RPTOR: variants seen among roughly 807,000 people sequenced by gnomAD.
The protein encoded by RPTOR is regulatory associated protein of MTOR complex 1, also known as regulatory-associated protein of mTOR.
In RPTOR, 21 loss-of-function variants were observed where a neutral mutation model predicts 169.9. That is an observed-to-expected ratio of 0.12 (90% CI 0.09 to 0.18). The LOEUF is 0.18. Ranked by LOEUF, RPTOR falls within the 10% of genes least tolerant of loss-of-function variation. The pLI is 1.00. For synonymous variants in RPTOR, 732 were observed against 753.2 expected, an observed-to-expected ratio of 0.97 and a Z score of 0.46; for missense variants, 1,133 against 1,855.9, an observed-to-expected ratio of 0.61 and a Z score of 7.16.
chr17:80,618,758 C>T (rs575295171), intron 1 of RPTOR, among the ~76,000 whole-genome samples: 2 of 152,342 alleles, frequency 1.3e-5, no homozygotes, highest in African/African-American at 4.8e-5. Context: ...ATTCCCAATT[C>T]CCATTGAAAT....
chr17:80,829,740 C>A (rs2067483230), intron 9 of RPTOR, among the ~76,000 whole-genome samples: 1 of 152,226 alleles, frequency 6.6e-6, no homozygotes, highest in South Asian at 2.1e-4. Context: ...TCAGCCCCTC[C>A]TGTGCGTGTC....
At chr17:80,552,023 T>A (rs1475153951) in intron 1 of RPTOR, among the ~76,000 whole-genome samples, 1 of 152,212 alleles carries the variant, frequency 6.6e-6, no homozygotes, top group East Asian at 1.9e-4. Context: ...ACAGCACATG[T>A]TTCAGAGAGC....
At chr17:80,706,130 C>A (rs141635615) in intron 3 of RPTOR, among the ~76,000 whole-genome samples, 153 of 152,236 alleles carry the variant, frequency 1.0e-3, no homozygotes, top group African/African-American at 3.6e-3. Context: ...AAAACATAAT[C>A]CCCACCCAGA....
chr17:80,703,333 A>C (rs1168320618), intron 3 of RPTOR, among the ~76,000 whole-genome samples: 1 of 152,156 alleles, frequency 6.6e-6, no homozygotes, highest in Non-Finnish European at 1.5e-5. Context: ...TCTGACTCTG[A>C]AAAACATATC....
At chr17:80,744,409 G>A in intron 5 of RPTOR, among the ~76,000 whole-genome samples, 1 of 107,778 alleles carries the variant, frequency 9.3e-6, no homozygotes, top group Non-Finnish European at 1.9e-5. Context: ...CTGGCTACTA[G>A]CACAGCCCTG....
intron 7 of RPTOR, among the ~76,000 whole-genome samples, chr17:80,793,708 C>T (rs1174693180): frequency 1.3e-5 from 2 of 152,272 alleles, no homozygotes; most frequent in African/African-American, 2.4e-5. Context: ...CCTGCCAGCG[C>T]GTGTTGAGCC....
At chr17:80,722,455 G>A (rs1254561126) in intron 4 of RPTOR, among the ~76,000 whole-genome samples, 2 of 150,858 alleles carry the variant, frequency 1.3e-5, no homozygotes, top group African/African-American at 5.0e-5. Context: ...GTGGAAGGGA[G>A]GGGTCCCAAG....
intron 2 of RPTOR, among the ~76,000 whole-genome samples, chr17:80,629,148 G>T (rs79901149): frequency 6.7e-6 from 1 of 150,026 alleles, no homozygotes; most frequent in South Asian, 2.1e-4. Flanking sequence ...ACATTGTACC[G>T]CAGCTCTTCC....
At chr17:80,743,702 TACTAGCACTGTCCTGGC>T (rs1567887034) in intron 5 of RPTOR, among the ~76,000 whole-genome samples, 12,466 of 130,078 alleles carry the variant, frequency 0.096, 1,639 homozygotes, top group Non-Finnish European at 0.14. Context: ...CAGCCCTGGC[TACTAGCACTGTCCTGGC>T]TACGAGCACA....
intron 3 of RPTOR, among the ~76,000 whole-genome samples, chr17:80,669,171 C>T (rs557849567): frequency 2.0e-5 from 3 of 152,166 alleles, no homozygotes; most frequent in Non-Finnish European, 2.9e-5. Context: ...CTTTCTAGGG[C>T]GTGGGAATGT....
At chr17:80,575,506 G>A (rs996862304) in intron 1 of RPTOR, among the ~76,000 whole-genome samples, 7 of 152,218 alleles carry the variant, frequency 4.6e-5, no homozygotes, top group Non-Finnish European at 2.9e-5. Context: ...CATCCACACC[G>A]TTGCCATGTG....
At chr17:80,945,808 C>A in intron 26 of RPTOR, 27 bp downstream of exon 26, 1 of 1,402,940 alleles carries the variant, frequency 7.1e-7, no homozygotes, top group Non-Finnish European at 9.7e-7. Context: ...TCAGGCCTCC[C>A]TTCCGGCTGA....
intron 24 of RPTOR, among the ~76,000 whole-genome samples, chr17:80,935,043 T>C (rs1398146672): frequency 6.7e-6 from 1 of 148,830 alleles, no homozygotes; most frequent in Non-Finnish European, 1.5e-5. Flanking sequence ...AAAGGCATTA[T>C]ACAAAAATCA....
At chr17:80,904,014 T>A (rs1257895237) in intron 20 of RPTOR, among the ~76,000 whole-genome samples, 1 of 152,220 alleles carries the variant, frequency 6.6e-6, no homozygotes. Context: ...TAAAGGCCAT[T>A]ATGATGTTTG....
chr17:80,597,761 G>A (rs1022423517), intron 1 of RPTOR, among the ~76,000 whole-genome samples: 1 of 152,068 alleles, frequency 6.6e-6, no homozygotes, highest in Non-Finnish European at 1.5e-5. Flanking sequence ...CCATCTGCCT[G>A]CCTTGGCCTC....
Position 80,710,571 on chromosome 17 carries a change from A to ATGTGTGTGTGTG in RPTOR, c.507+2602_507+2613dup, listed in dbSNP as rs59732457. 1.9e-4 allele frequency among the ~76,000 whole-genome samples: 27 copies of ATGTGTGTGTGTG among 145,124 alleles called. No homozygotes were observed. The East Asian group carries it at 2.0e-3, about 11-fold the overall frequency. On this transcript the variant is annotated intron_variant, in intron 4 of 33. Transcript: ENST00000306801. The stretch of plus-strand genomic sequence containing the variant: ...TGATTTGCCTCCCTTGGTTATTTGT[A>ATGTGTGTGTGTG]TGTGTGTGTGTGTGTGTGTGTGTGT...
At chr17:80,798,982 G>A (rs570256818) in intron 7 of RPTOR, among the ~76,000 whole-genome samples, 1 of 152,234 alleles carries the variant, frequency 6.6e-6, no homozygotes, top group East Asian at 1.9e-4. Context: ...AACGTACACA[G>A]TCATCCATCA....
chr17:80,801,142 G>GT (rs1350259217), intron 7 of RPTOR, among the ~76,000 whole-genome samples: 8 of 152,208 alleles, frequency 5.3e-5, no homozygotes, highest in South Asian at 4.1e-4. Context: ...TGCAGAAAAT[G>GT]TAAGGAGACC....
intron 6 of RPTOR, among the ~76,000 whole-genome samples, chr17:80,780,664 A>G (rs975689202): frequency 3.3e-5 from 5 of 152,000 alleles, no homozygotes; most frequent in Non-Finnish European, 5.9e-5. Flanking sequence ...TCTTTATTTT[A>G]CATATTAGGA....
Sources: allele counts gnomAD v4.1 joint callset (sites outside exome capture counted in the v4.1 genomes callset), GRCh38; gene constraint gnomAD v4.1.1; transcripts MANE v1.5; gene names NCBI Gene and HGNC (gene_info 2026-07-23, HGNC 2026-07-21).